SRD5A2: variants seen among roughly 807,000 people sequenced by gnomAD.
SRD5A2 encodes 3-oxo-5-alpha-steroid 4-dehydrogenase 2.
A neutral mutation model predicts 27.4 loss-of-function variants in SRD5A2; 30 were observed. That is an observed-to-expected ratio of 1.10 (90% CI 0.82 to 1.49). The LOEUF is 1.49. SRD5A2 is among the 40% of genes most tolerant of loss of function. The pLI is 0.00. For missense variants in SRD5A2, 348 were observed against 323.4 expected (o/e 1.08, Z -0.58); for synonymous variants, 141 against 133.6 (o/e 1.06, Z -0.38).
the SRD5A2 span, among the ~76,000 whole-genome samples, chr2:31,588,271 T>C: frequency 1.3e-5 from 2 of 152,242 alleles, no homozygotes; most frequent in East Asian, 3.9e-4. Context: ...AAGAAGGTTA[T>C]AGAACATTAA....
In SRD5A2 at chr2:31,531,425, A is replaced by ATC. The variant is rs1399412484; in HGVS notation, c.492_493insGA (p.Tyr165AspfsTer115). 30 of 1,601,454 alleles carry ATC rather than the reference A, an allele frequency of 1.9e-5. No individual in the cohort carries two copies. The highest frequency in any genetic ancestry group is 2.5e-5 in the Non-Finnish European group (29 of 1,173,720). The stretch of plus-strand genomic sequence containing the variant: ...GGCTTCCTGAGCTGGCGCAATATAT[A>ATC]GTCACTATGAATGTTTATTCCCATT... On this transcript the variant is annotated frameshift_variant, in exon 3 of 5. Coordinates refer to ENST00000622030, the MANE Select transcript of SRD5A2 (RefSeq NM_000348.4). LOFTEE classifies it high-confidence loss of function.
chr2:31,525,520 G>C lies in SRD5A2; in HGVS notation c.*676C>G. On this transcript the variant is annotated 3_prime_UTR_variant, in exon 5 of 5. Transcript: ENST00000622030. ...TCAAGAATAGCCATACCAGTTTTCC[G>C]GGGATTGTGAAATCTTCTGGAAAAC... 4.5e-6 allele frequency: 1 copy of C among 224,656 alleles called. No individual in the cohort carries two copies. Among genetic ancestry groups the C allele is most frequent in the Admixed American group, 5.7e-5 (1 of 17,504 alleles). 13.9% of individuals were successfully genotyped at this position (224,656 alleles called of 1,614,324 possible). A position where few individuals can be genotyped will look rare whatever the true frequency, so the allele number is the denominator to read the frequency against.
chr2:31,619,004 T>C, the SRD5A2 span, among the ~76,000 whole-genome samples: 1 of 152,090 alleles, frequency 6.6e-6, no homozygotes, highest in Non-Finnish European at 1.5e-5. Flanking sequence ...GTGCAAAGAA[T>C]CTGAATAAAC....
the SRD5A2 span, among the ~76,000 whole-genome samples, chr2:31,604,661 C>T: frequency 6.6e-6 from 1 of 151,648 alleles, no homozygotes; most frequent in African/African-American, 2.4e-5. Context: ...GAAGAATGCT[C>T]CAAAAAATGG....
At chr2:31,618,466 T>C in the SRD5A2 span, among the ~76,000 whole-genome samples, 4 of 152,088 alleles carry the variant, frequency 2.6e-5, no homozygotes, top group Non-Finnish European at 2.9e-5. Context: ...AAATATGATA[T>C]ATATACACAA....
intron 1 of SRD5A2, among the ~76,000 whole-genome samples, chr2:31,540,756 A>G (rs1241447897): frequency 6.6e-6 from 1 of 152,194 alleles, no homozygotes; most frequent in Non-Finnish European, 1.5e-5. Context: ...AGTAACAGCT[A>G]CCCATTTCCT....
intron 1 of SRD5A2, among the ~76,000 whole-genome samples, chr2:31,535,221 C>G (rs1041771744): frequency 6.6e-6 from 1 of 152,092 alleles, no homozygotes; most frequent in African/African-American, 2.4e-5. Context: ...AGAGTTTCAC[C>G]ATATTGGCCA....
chr2:31,544,834 C>T (rs1023782205), intron 1 of SRD5A2, among the ~76,000 whole-genome samples: 4 of 151,560 alleles, frequency 2.6e-5, no homozygotes, highest in Non-Finnish European at 5.9e-5. Flanking sequence ...AGAGACAAGA[C>T]TCATATTACT....
At chr2:31,564,570 G>GAAATAT (rs1666691543) in intron 1 of SRD5A2, among the ~76,000 whole-genome samples, 1 of 151,898 alleles carries the variant, frequency 6.6e-6, no homozygotes, top group South Asian at 2.1e-4. Context: ...CCCAGAATAA[G>GAAATAT]AAATATAAAT....
At chr2:31,537,816 C>G (rs553277129) in intron 1 of SRD5A2, among the ~76,000 whole-genome samples, 24 of 152,234 alleles carry the variant, frequency 1.6e-4, no homozygotes, top group African/African-American at 5.3e-4. Context: ...AGGGCTCTGC[C>G]AACATGAATG....
At chr2:31,599,282 G>A in the SRD5A2 span, among the ~76,000 whole-genome samples, 1 of 151,658 alleles carries the variant, frequency 6.6e-6, no homozygotes, top group Non-Finnish European at 1.5e-5. Flanking sequence ...AGAAATGTCA[G>A]ACTTAATCTA....
chr2:31,564,454 T>C (rs987859670), intron 1 of SRD5A2, among the ~76,000 whole-genome samples: 5 of 151,932 alleles, frequency 3.3e-5, no homozygotes, highest in African/African-American at 1.2e-4. Context: ...CATAGATATT[T>C]TCCTCAGCAA....
the SRD5A2 span, among the ~76,000 whole-genome samples, chr2:31,592,709 G>C: frequency 0.089 from 13,586 of 152,222 alleles, 721 homozygotes; most frequent in Middle Eastern, 0.18. Context: ...AGCAGGCCTT[G>C]ACTTCCAGAT....
rs28745299 is a variant in SRD5A2 at position 31,545,810 on chromosome 2, A to T, written c.282-12044T>A. Among the ~76,000 whole-genome samples, 1,357 of 152,264 alleles carry T rather than the reference A, an allele frequency of 8.9e-3. 15 individuals carry two copies. Among genetic ancestry groups the T allele is most frequent in the Non-Finnish European group, 0.011 (765 of 67,984 alleles). Reference sequence around the variant, plus strand: ...GATGATATGATCATGTGTCTAGAACACTCTAACGATTCCACATACATTTTT... The same window carrying T: ...GATGATATGATCATGTGTCTAGAACTCTCTAACGATTCCACATACATTTTT... On this transcript the variant is annotated intron_variant, in intron 1 of 4. Coordinates refer to ENST00000622030, the MANE Select transcript of SRD5A2 (RefSeq NM_000348.4).
chr2:31,531,261 G>T, intron 3 of SRD5A2, 110 bp downstream of exon 3: 1 of 725,626 alleles, frequency 1.4e-6, no homozygotes, highest in Non-Finnish European at 2.3e-6. Context: ...AAGCTGAGAG[G>T]TATTGTATCA....
the SRD5A2 span, among the ~76,000 whole-genome samples, chr2:31,627,592 G>C: frequency 6.6e-6 from 1 of 152,006 alleles, no homozygotes; most frequent in Non-Finnish European, 1.5e-5. Context: ...CTAAAGTTTT[G>C]ATGTGGATAC....
the SRD5A2 span, among the ~76,000 whole-genome samples, chr2:31,635,312 AT>A: frequency 3.9e-5 from 6 of 152,070 alleles, no homozygotes; most frequent in African/African-American, 1.2e-4. Context: ...GATGTTAAGC[AT>A]TTTTTATATA....
the SRD5A2 span, among the ~76,000 whole-genome samples, chr2:31,657,643 C>T: frequency 1.3e-5 from 2 of 149,506 alleles, no homozygotes; most frequent in South Asian, 4.4e-4. Context: ...TATGACATGT[C>T]ATGGTTTTGA....
chr2:31,612,395 G>T, the SRD5A2 span, among the ~76,000 whole-genome samples: 1 of 151,092 alleles, frequency 6.6e-6, no homozygotes, highest in African/African-American at 2.4e-5. Context: ...ACTATCCAAA[G>T]AATTTTTAAA....
Sources: allele counts gnomAD v4.1 joint callset (sites outside exome capture counted in the v4.1 genomes callset), GRCh38; gene constraint gnomAD v4.1.1; transcripts MANE v1.5; gene names NCBI Gene and HGNC (gene_info 2026-07-23, HGNC 2026-07-21).